Variants in MOGAT2 observed in about 807,000 individuals in gnomAD.
MOGAT2 encodes the protein 2-acylglycerol O-acyltransferase 2.
MOGAT2 carries 27 observed loss-of-function variants against 31.5 expected under a neutral mutation model. The ratio of observed to expected loss-of-function variants is 0.86; its 90% CI spans 0.63 to 1.18. The LOEUF is 1.18. MOGAT2 is among the 50% of genes most tolerant of loss of function. The pLI, the probability that MOGAT2 is intolerant of heterozygous loss-of-function variation, is 0.00. For synonymous variants in MOGAT2, 163 were observed against 170.0 expected, an observed-to-expected ratio of 0.96 and a Z score of 0.32; for missense variants, 436 against 433.2, an observed-to-expected ratio of 1.01 and a Z score of -0.06.
rs140336718 is a variant in MOGAT2, at chr11:75,731,229, C to A, written c.948C>A (p.Phe316Leu). The A allele has an allele frequency of 3.1e-6, 5 of 1,614,114 alleles. No homozygotes were observed. Among genetic ancestry groups the A allele is most frequent in the Non-Finnish European group, 3.4e-6 (4 of 1,180,034 alleles). The change falls in exon 6 of 6, where the codon TTC becomes TTA. Residue 316 changes from phenylalanine (F) to leucine (L), a missense_variant. Phe to Leu is a conservative substitution (Grantham distance 22). Coordinates refer to ENST00000198801, the MANE Select transcript of MOGAT2 (RefSeq NM_025098.4). ...QRYIKELCNL[F>L]EAHKLKFNIP... ...ATATCAAAGAGCTGTGCAACCTCTTCGAGGCCCACAAACTTAAGTTCAACA... is the reference window on the plus strand; with the variant it reads ...ATATCAAAGAGCTGTGCAACCTCTTAGAGGCCCACAAACTTAAGTTCAACA...
rs766139577 is a variant in MOGAT2 at position 75,727,478 on chromosome 11, C to A, written c.314C>A (p.Ala105Glu). The A allele has an allele frequency of 5.6e-6, 9 of 1,614,152 alleles. No individual in the cohort carries two copies. The highest frequency in any genetic ancestry group is 7.6e-6 in the Non-Finnish European group (9 of 1,180,014). Residue 105 changes from alanine (A) to glutamate (E), a missense_variant, in exon 3 of 6, where the codon GCG becomes GAG. Transcript: ENST00000198801. ...AELDPSRNYI[A>E]GFHPHGVLAV... ...CTGGACCCCTCTCGGAACTACATTG[C>A]GGGCTTCCACCCCCATGGAGTCCTG...
intron 1 of MOGAT2, 125 bp from the exon 2 acceptor site, chr11:75,719,867 T>G: frequency 1.1e-6 from 1 of 940,174 alleles, no homozygotes; most frequent in Non-Finnish European, 1.6e-6. Context: ...GTCTTCCTCC[T>G]GGGCCCGAGG....
rs1257941403 is a variant in MOGAT2 at position 75,732,934 on chromosome 11, A to G, written c.*1648A>G. On this transcript the variant is annotated 3_prime_UTR_variant, in exon 6 of 6. Coordinates refer to ENST00000198801, the MANE Select transcript of MOGAT2 (RefSeq NM_025098.4). ...ACAGGACCTGCATCCTGTCTCACAA[A>G]TAAAACTGAACTCTTGAAATGGTGT... 1.3e-5 allele frequency: 2 copies of G among 152,222 alleles called. No individual in the cohort carries two copies. Among genetic ancestry groups the G allele is most frequent in the African/African-American group, 4.8e-5 (2 of 41,400 alleles). The allele number at this position is 152,222 out of a possible 1,614,324, so 9.4% of individuals were successfully genotyped here.
At chr11:75,728,531 C>T in intron 4 of MOGAT2, 2 of 574,936 alleles carry the variant, frequency 3.5e-6, no homozygotes, top group Non-Finnish European at 3.1e-6. Flanking sequence ...ATTTTTATAT[C>T]TGGGAGGACT....
rs776428469 is a variant in MOGAT2, at chr11:75,731,167, C to A, written c.886C>A (p.Pro296Thr). ...CATCGAGGTACAGAAGACGCTGCATCCCTCGGAGGAGGAGGTGAACCAGCT... is the reference window on the plus strand; with the variant it reads ...CATCGAGGTACAGAAGACGCTGCATACCTCGGAGGAGGAGGTGAACCAGCT... ...KPIEVQKTLH[P>T]SEEEVNQLHQ... The change falls in exon 6 of 6, where the codon CCC (proline) becomes ACC (threonine). Residue 296 changes from proline to threonine, a missense_variant. Physicochemically the swap from Pro to Thr is conservative, Grantham distance 38 (BLOSUM62 -1). Coordinates refer to ENST00000198801, the MANE Select transcript of MOGAT2 (RefSeq NM_025098.4). 6 of 1,613,916 alleles carry A rather than the reference C, an allele frequency of 3.7e-6. No individual in the cohort carries two copies. In the East Asian group the frequency reaches 1.3e-4, roughly 36 times the overall value.
In MOGAT2 at chr11:75,723,467, C is replaced by T. The variant is rs1414659443; in HGVS notation, c.270+3297C>T. Among the ~76,000 whole-genome samples, 8 of 140,894 alleles carry T rather than the reference C, an allele frequency of 5.7e-5. No individual in the cohort carries two copies. In the East Asian group the frequency reaches 1.8e-3, roughly 32 times the overall value. 92.4% of individuals were successfully genotyped at this position (140,894 alleles called of 152,430 possible). ...CCTCCCACCCTCCCACACGCCTTTA[C>T]TGCCCAGGCCCCGCAGGGATCATGG... On this transcript the variant is annotated intron_variant, in intron 2 of 5. Coordinates refer to ENST00000198801, the MANE Select transcript of MOGAT2 (RefSeq NM_025098.4).
At chr11:75,726,917 T>G (rs1229298333) in intron 2 of MOGAT2, among the ~76,000 whole-genome samples, 1 of 152,170 alleles carries the variant, frequency 6.6e-6, no homozygotes, top group East Asian at 1.9e-4. Flanking sequence ...CTCAAACTCC[T>G]GACCTCAGGT....
chr11:75,730,653 G>T (rs1057293502), intron 5 of MOGAT2, among the ~76,000 whole-genome samples: 7 of 152,292 alleles, frequency 4.6e-5, no homozygotes, highest in Admixed American at 6.5e-5. Flanking sequence ...GCTCACACTT[G>T]TAATCCCAGC....
chr11:75,719,798 G>A (rs1944360411), intron 1 of MOGAT2, 194 bp from the exon 2 acceptor site: 1 of 584,918 alleles, frequency 1.7e-6, no homozygotes, highest in African/African-American at 1.9e-5. Context: ...AGTGACACTG[G>A]GCTGGCCGTA....
At chr11:75,723,937 G>A (rs1279320855) in intron 2 of MOGAT2, among the ~76,000 whole-genome samples, 1 of 152,112 alleles carries the variant, frequency 6.6e-6, no homozygotes, top group Non-Finnish European at 1.5e-5. Flanking sequence ...AACTGAGGGA[G>A]GGAGACAGAC....
At chr11:75,728,187 T>C in intron 4 of MOGAT2, 43 bp downstream of exon 4, 1 of 1,583,266 alleles carries the variant, frequency 6.3e-7, no homozygotes, top group Non-Finnish European at 8.6e-7. Flanking sequence ...CAGTTGGCAA[T>C]TGGCAAGGAT....
chr11:75,728,109 C>T lies in MOGAT2; in HGVS notation c.615C>T (p.Asn205=). Reference sequence around the variant, plus strand: ...GATCCTTCACGCTGTTACTGCGGAACCGAAAGGGCTTCGTCAGGCTCGCCC... The same window carrying T: ...GATCCTTCACGCTGTTACTGCGGAATCGAAAGGGCTTCGTCAGGCTCGCCC... The part of the protein sequence containing the change: ...RPGSFTLLLR[N]RKGFVRLALT... Residue 205 remains asparagine, a synonymous_variant, in exon 4 of 6, where the codon AAC becomes AAT. Coordinates refer to ENST00000198801, the MANE Select transcript of MOGAT2 (RefSeq NM_025098.4). The T allele has an allele frequency of 6.2e-7, 1 of 1,614,086 alleles. No homozygotes were observed. The highest frequency in any genetic ancestry group is 8.5e-7 in the Non-Finnish European group (1 of 1,179,988).
intron 1 of MOGAT2, 35 bp from the exon 2 acceptor site, chr11:75,719,957 C>A (rs777661611): frequency 6.2e-7 from 1 of 1,603,736 alleles, no homozygotes; most frequent in Non-Finnish European, 8.5e-7. Context: ...TCCTCTCAGA[C>A]CCCTGTCCCT....
chr11:75,732,014 T>C lies in MOGAT2; in HGVS notation c.*728T>C, dbSNP rs1215186524. On this transcript the variant is annotated 3_prime_UTR_variant, in exon 6 of 6. Transcript: ENST00000198801. Reference sequence around the variant, plus strand: ...AAAACACAAAGCTGACCGCGCCATTTCCTACTCAGCATCCTTCCATGACCC... The same window carrying C: ...AAAACACAAAGCTGACCGCGCCATTCCCTACTCAGCATCCTTCCATGACCC... 6.6e-6 allele frequency: 1 copy of C among 152,372 alleles called. No homozygotes were observed. Among genetic ancestry groups the C allele is most frequent in the Non-Finnish European group, 1.5e-5 (1 of 68,150 alleles). The allele number at this position is 152,372 out of a possible 1,614,324, so 9.4% of individuals were successfully genotyped here.
At chr11:75,727,858 G>GA in intron 3 of MOGAT2, 112 bp from the exon 4 acceptor site, 1 of 1,229,566 alleles carries the variant, frequency 8.1e-7, no homozygotes, top group East Asian at 2.4e-5. Context: ...TGCAGTGGGG[G>GA]AAAAACCCCA....
At chr11:75,718,468 G>A (rs965899498) in intron 1 of MOGAT2, among the ~76,000 whole-genome samples, 35 of 152,200 alleles carry the variant, frequency 2.3e-4, no homozygotes, top group Admixed American at 2.0e-3. Context: ...TGGGCATGCT[G>A]GGTACCAGGA....
chr11:75,719,921 T>C, intron 1 of MOGAT2, 71 bp from the exon 2 acceptor site: 1 of 1,502,594 alleles, frequency 6.7e-7, no homozygotes, highest in Non-Finnish European at 9.1e-7. Context: ...ATGGGCAGAG[T>C]TCAGTCTGAG....
At chr11:75,729,251 G>A (rs1331024589) in intron 5 of MOGAT2, among the ~76,000 whole-genome samples, 2 of 152,190 alleles carry the variant, frequency 1.3e-5, no homozygotes, top group African/African-American at 4.8e-5. Context: ...CCTACATGAA[G>A]CAACTCAGCT....
chr11:75,718,178 C>T (rs954788600), intron 1 of MOGAT2, among the ~76,000 whole-genome samples, 199 bp downstream of exon 1: 6 of 152,180 alleles, frequency 3.9e-5, no homozygotes, highest in African/African-American at 9.7e-5. Context: ...TAGAAGTCAC[C>T]GTCTGCTGCT....
Sources: gnomAD v4.1 joint callset for allele counts (sites outside exome capture counted in the v4.1 genomes callset) on GRCh38, gnomAD v4.1.1 for gene constraint, MANE v1.5 for transcripts, NCBI Gene and HGNC (gene_info 2026-07-23, HGNC 2026-07-21) for gene names.